The following KCTD1 variants were observed in gnomAD, a reference collection of about 807,000 sequenced individuals.
The protein encoded by KCTD1 is potassium channel tetramerization domain containing 1.
KCTD1 carries 24 observed loss-of-function variants against 66.0 expected under a neutral mutation model. The observed-to-expected ratio is 0.36, with a 90% CI of 0.26 to 0.51. The LOEUF is 0.51. Among genes scored for constraint, KCTD1 ranks in the 20% least tolerant of loss-of-function variants. KCTD1 has a pLI of 0.95. For missense variants in KCTD1, 943 were observed against 1,205.2 expected (o/e 0.78, Z 3.22); for synonymous variants, 511 against 517.2 (o/e 0.99, Z 0.16).
chr18:26,649,876 A>G (rs1987997001), intron 1 of KCTD1, among the ~76,000 whole-genome samples: 1 of 152,144 alleles, frequency 6.6e-6, no homozygotes. Flanking sequence ...TTCCAAGTTT[A>G]CTTGCCAATG....
chr18:26,650,087 T>C (rs765656818), intron 1 of KCTD1, among the ~76,000 whole-genome samples: 1 of 152,164 alleles, frequency 6.6e-6, no homozygotes, highest in Non-Finnish European at 1.5e-5. Context: ...ACATGAGTAA[T>C]CAAAAGGCAA....
At chr18:26,541,375 G>A (rs995150188) in intron 1 of KCTD1, among the ~76,000 whole-genome samples, 1 of 152,124 alleles carries the variant, frequency 6.6e-6, no homozygotes, top group African/African-American at 2.4e-5. Flanking sequence ...CAAAGAAAAC[G>A]CAGACACTTT....
intron 2 of KCTD1, among the ~76,000 whole-genome samples, chr18:26,494,991 T>C (rs569206759): frequency 5.5e-4 from 84 of 152,334 alleles, no homozygotes; most frequent in African/African-American, 2.0e-3. Flanking sequence ...TTAAATTTGC[T>C]ATCGACATTG....
upstream of KCTD1, among the ~76,000 whole-genome samples, chr18:26,642,708 G>A (rs771905077): frequency 2.6e-5 from 4 of 152,212 alleles, no homozygotes; most frequent in Admixed American, 6.5e-5. Flanking sequence ...GTTAAGTAGC[G>A]TGAAACACTG....
In KCTD1 at chr18:26,539,467, T is replaced by C. The variant is rs546413868; in HGVS notation, c.1809+7261A>G. Among the ~76,000 whole-genome samples the C allele has an allele frequency of 1.5e-3, 228 of 152,332 alleles. 1 individual carries two copies. The highest frequency in any genetic ancestry group is 5.1e-3 in the African/African-American group (214 of 41,574). Reference sequence around the variant, plus strand: ...AAGTAATGCAGATGTTGCTGGTTGGTGGACCACTTTAAAGCTTTCAGTATG... The same window carrying C: ...AAGTAATGCAGATGTTGCTGGTTGGCGGACCACTTTAAAGCTTTCAGTATG... On this transcript the variant is annotated intron_variant, in intron 1 of 4. Coordinates refer to ENST00000580059, the MANE Select transcript of KCTD1 (RefSeq NM_001142730.3).
upstream of KCTD1, chr18:26,548,923 G>A: frequency 6.1e-6 from 6 of 988,796 alleles, no homozygotes; most frequent in Non-Finnish European, 7.2e-6. Flanking sequence ...GCCCGGGCGG[G>A]AGAGAGGGAG....
Position 26,505,957 on chromosome 18 carries a change from CT to C in KCTD1, c.1810-4708del, listed in dbSNP as rs371309722. 2.8e-3 allele frequency among the ~76,000 whole-genome samples: 433 copies of C among 152,292 alleles called. 1 individual carries two copies. The highest frequency in any genetic ancestry group is 0.01 in the African/African-American group (416 of 41,546). On this transcript the variant is annotated intron_variant, in intron 1 of 4. Coordinates refer to ENST00000580059, the MANE Select transcript of KCTD1 (RefSeq NM_001142730.3). ...GTGGCATGATCTCAGCTCAGTGCAG[CT>C]TCCGCTTCCCAGGTTCAAGCAATTT...
intron 1 of KCTD1, among the ~76,000 whole-genome samples, chr18:26,517,729 T>G (rs1048174905): frequency 6.6e-6 from 1 of 151,088 alleles, no homozygotes; most frequent in East Asian, 2.0e-4. Context: ...TGCCGCCACG[T>G]GAGACGTGCT....
upstream of KCTD1, among the ~76,000 whole-genome samples, chr18:26,550,565 G>GACACACAGACAC (rs372123383): frequency 1.0e-3 from 147 of 140,576 alleles, 1 homozygote; most frequent in Middle Eastern, 3.8e-3. The surrounding 1 kb of genome is among the most constrained non-coding windows in gnomAD (Gnocchi z 5.4). Flanking sequence ...AAGACACACA[G>GACACACAGACAC]ACACACACAC....
At chr18:26,477,832 GGTA>G (rs1269615331) in intron 2 of KCTD1, among the ~76,000 whole-genome samples, 2 of 152,170 alleles carry the variant, frequency 1.3e-5, no homozygotes, top group Non-Finnish European at 1.5e-5. Flanking sequence ...TTACTCTGAA[GGTA>G]GTAAGTGCAA....
chr18:26,636,214 T>A (rs1987720577), intron 1 of KCTD1, among the ~76,000 whole-genome samples: 1 of 151,586 alleles, frequency 6.6e-6, no homozygotes, highest in South Asian at 2.1e-4. Context: ...GAGGGGGGAG[T>A]TTATGTTTGT....
chr18:26,459,516 T>A lies in KCTD1; in HGVS notation c.2439+104A>T, dbSNP rs987152882. 16 of 1,092,918 alleles carry A rather than the reference T, an allele frequency of 1.5e-5. No homozygotes were observed. In the African/African-American group the frequency reaches 2.5e-4, roughly 17 times the overall value. 67.7% of individuals were successfully genotyped at this position (1,092,918 alleles called of 1,614,324 possible). A position where few individuals can be genotyped will look rare whatever the true frequency, so the allele number is the denominator to read the frequency against. ...CCTACCCAACAGAAGTGTCACTGAG[T>A]GAGTTTCTAAGCTCTTTGGAGGAAA... is the stretch of plus-strand genomic sequence containing the variant. On this transcript the variant is annotated intron_variant, in intron 4 of 4. Coordinates refer to ENST00000580059, the MANE Select transcript of KCTD1 (RefSeq NM_001142730.3).
chr18:26,557,937 A>G (rs1049494054), intron 1 of KCTD1, among the ~76,000 whole-genome samples: 3 of 152,192 alleles, frequency 2.0e-5, no homozygotes, highest in Non-Finnish European at 1.5e-5. Context: ...TTTAGTTTCA[A>G]GTCCAAACTC....
At chr18:26,616,462 CAT>C (rs10639008) in intron 1 of KCTD1, among the ~76,000 whole-genome samples, 349 of 147,578 alleles carry the variant, frequency 2.4e-3, no homozygotes, top group Middle Eastern at 0.014. Context: ...CCCTTACATA[CAT>C]ATATATATAT....
At chr18:26,617,886 A>G (rs1242546456) in intron 1 of KCTD1, among the ~76,000 whole-genome samples, 6 of 141,046 alleles carry the variant, frequency 4.3e-5, no homozygotes, top group African/African-American at 1.6e-4. Context: ...GGAGGGAAGG[A>G]GGGCAGGCAA....
chr18:26,653,441 C>T (rs918759422), intron 1 of KCTD1, among the ~76,000 whole-genome samples: 3 of 152,202 alleles, frequency 2.0e-5, no homozygotes, highest in Admixed American at 6.5e-5. Flanking sequence ...CATTTTGGCC[C>T]TCTTTAAGTT....
chr18:26,521,065 G>A (rs1261054272), intron 1 of KCTD1, among the ~76,000 whole-genome samples: 3 of 152,220 alleles, frequency 2.0e-5, no homozygotes, highest in Non-Finnish European at 4.4e-5. Context: ...CAAACCAGAA[G>A]GCAAAGCTGC....
At chr18:26,490,976 C>A (rs1982168900) in intron 2 of KCTD1, among the ~76,000 whole-genome samples, 1 of 152,206 alleles carries the variant, frequency 6.6e-6, no homozygotes. Context: ...TGGTCTCAAA[C>A]TCCTGAGCTC....
At chr18:26,478,693 C>A (rs1981472523) in intron 2 of KCTD1, among the ~76,000 whole-genome samples, 1 of 152,130 alleles carries the variant, frequency 6.6e-6, no homozygotes, top group Admixed American at 6.6e-5. Flanking sequence ...CTGAGGAGTG[C>A]GGAATGAGAA....
Sources: gnomAD v4.1 joint callset for allele counts (sites outside exome capture counted in the v4.1 genomes callset) on GRCh38, gnomAD v4.1.1 for gene constraint, Gnocchi (gnomAD v3.1) non-coding constraint, MANE v1.5 for transcripts, NCBI Gene and HGNC (gene_info 2026-07-23, HGNC 2026-07-21) for gene names.